The following WDR41 variants were observed in gnomAD, a reference collection of about 807,000 sequenced individuals.
WDR41 encodes WD repeat-containing protein 41.
WDR41 carries 63 observed loss-of-function variants against 69.3 expected under a neutral mutation model. The observed-to-expected ratio is 0.91, with a 90% CI of 0.74 to 1.12. The LOEUF (loss-of-function observed/expected upper bound fraction) is 1.12, where lower values mean the gene tolerates loss of function less well. Among genes scored for constraint, WDR41 ranks in the 50% most tolerant of loss-of-function variants. The pLI is 0.00. For missense variants in WDR41, 543 were observed against 534.5 expected (o/e 1.02, Z -0.16); for synonymous variants, 185 against 192.1 (o/e 0.96, Z 0.31).
chr5:77,606,563 G>T (rs1472339312), intron 1 of WDR41, among the ~76,000 whole-genome samples: 1 of 152,104 alleles, frequency 6.6e-6, no homozygotes, highest in Non-Finnish European at 1.5e-5. Flanking sequence ...AGCACTTTGA[G>T]AGGCCAAGGA....
At chr5:77,537,508 T>A (rs1421805813) in intron 1 of WDR41, among the ~76,000 whole-genome samples, 2 of 152,354 alleles carry the variant, frequency 1.3e-5, no homozygotes, top group East Asian at 3.9e-4. Flanking sequence ...TTGAATAATT[T>A]TGACGGACTC....
At chr5:77,569,523 T>C (rs1743694106) in intron 1 of WDR41, among the ~76,000 whole-genome samples, 1 of 152,148 alleles carries the variant, frequency 6.6e-6, no homozygotes, top group Non-Finnish European at 1.5e-5. Context: ...ATGACATGCT[T>C]CACTGACCTG....
rs111485869 is a variant in WDR41, at chr5:77,512,355, AGTGTGTGTGTGTGTGTGT to A, written c.43-22801_43-22784del. On this transcript the variant is annotated intron_variant, in intron 1 of 5. Transcript: ENST00000509971. ...GTGAGAGAGAGAGAGAGAGAGAGTG[AGTGTGTGTGTGTGTGTGT>A]GTGTGTGTGTGTGTGTGTGTGTGTG... Among the ~76,000 whole-genome samples, 20 of 119,320 alleles carry A rather than the reference AGTGTGTGTGTGTGTGTGT, an allele frequency of 1.7e-4. 1 individual carries two copies. The highest frequency in any genetic ancestry group is 3.4e-4 in the Admixed American group (4 of 11,714). The allele number at this position is 119,320 out of a possible 152,430, so 78.3% of individuals were successfully genotyped here.
intron 1 of WDR41, among the ~76,000 whole-genome samples, chr5:77,528,411 G>A (rs1296968709): frequency 1.3e-5 from 2 of 151,688 alleles, no homozygotes; most frequent in African/African-American, 4.8e-5. Flanking sequence ...CACCAAGGAA[G>A]CTTCAGGCCA....
At chr5:77,518,190 T>G (rs1358537034) in intron 1 of WDR41, among the ~76,000 whole-genome samples, 4 of 152,096 alleles carry the variant, frequency 2.6e-5, no homozygotes. Flanking sequence ...ATTTTTTTTG[T>G]TGTTGTTTAA....
At chr5:77,447,061 G>C (rs938574944) in intron 8 of WDR41, among the ~76,000 whole-genome samples, 3 of 151,928 alleles carry the variant, frequency 2.0e-5, no homozygotes, top group Non-Finnish European at 2.9e-5. Flanking sequence ...AATTTACAAG[G>C]AACTTAAATT....
intron 1 of WDR41, among the ~76,000 whole-genome samples, chr5:77,548,672 T>C (rs1580004105): frequency 6.6e-6 from 1 of 152,250 alleles, no homozygotes; most frequent in African/African-American, 2.4e-5. Context: ...ATTTCTATGC[T>C]GCTGGTGGGA....
At chr5:77,489,305 G>T in intron 2 of WDR41, 152 bp downstream of exon 2, 1 of 444,604 alleles carries the variant, frequency 2.2e-6, no homozygotes, top group South Asian at 5.6e-5. Flanking sequence ...TCATCGAGAT[G>T]CAGAGGCCAA....
At chr5:77,478,896 G>A (rs1801092814) in intron 2 of WDR41, among the ~76,000 whole-genome samples, 1 of 151,944 alleles carries the variant, frequency 6.6e-6, no homozygotes, top group South Asian at 2.1e-4. Context: ...GTCCCTGTTT[G>A]TAGATGACAT....
chr5:77,437,395 C>T lies in WDR41; in HGVS notation c.1034G>A (p.Ser345Asn). The T allele has an allele frequency of 1.2e-6, 2 of 1,613,940 alleles. No homozygotes were observed. The highest frequency in any genetic ancestry group is 1.7e-5 in the Admixed American group (1 of 60,020). ...TTCTCTTAACTCCCAAATGCGTACA[C>T]TGCCATCTTCTGAGCATGAGATTAA... ...RQLISCSEDG[S>N]VRIWELREKQ... Residue 345 changes from serine to asparagine, a missense_variant, in exon 11 of 13, where the codon AGT becomes AAT. Ser to Asn is a conservative substitution (Grantham distance 46). Transcript: ENST00000296679.
At chr5:77,609,499 G>A (rs532018609) in intron 1 of WDR41, among the ~76,000 whole-genome samples, 8 of 152,286 alleles carry the variant, frequency 5.3e-5, no homozygotes, top group South Asian at 4.1e-4. Flanking sequence ...CACAGTTCAC[G>A]AAAATCCGCT....
chr5:77,607,705 G>A (rs1010635927), intron 1 of WDR41, among the ~76,000 whole-genome samples: 1 of 152,132 alleles, frequency 6.6e-6, no homozygotes, highest in Non-Finnish European at 1.5e-5. Context: ...TTTAAATGAT[G>A]TAAATTTCTT....
At chr5:77,471,122 T>C (rs1300048535) in intron 2 of WDR41, among the ~76,000 whole-genome samples, 2 of 152,136 alleles carry the variant, frequency 1.3e-5, no homozygotes, top group East Asian at 3.9e-4. Context: ...ATTAAGAAAC[T>C]CACTCAAAAC....
intron 10 of WDR41, among the ~76,000 whole-genome samples, 153 bp from the exon 11 acceptor site, chr5:77,437,577 C>T (rs763316452): frequency 5.9e-5 from 9 of 152,140 alleles, no homozygotes; most frequent in South Asian, 2.1e-4. Context: ...GACGTTACAA[C>T]GCAAACTAAA....
intron 1 of WDR41, among the ~76,000 whole-genome samples, chr5:77,604,414 G>C (rs1159082549): frequency 6.6e-6 from 1 of 152,152 alleles, no homozygotes. Flanking sequence ...AACTTCTCTA[G>C]TAATAAACTA....
intron 2 of WDR41, among the ~76,000 whole-genome samples, chr5:77,484,696 G>GC (rs1801431942): frequency 6.6e-6 from 1 of 152,098 alleles, no homozygotes; most frequent in Non-Finnish European, 1.5e-5. Context: ...CAAAGACATA[G>GC]CCAATGAGTA....
At chr5:77,578,243 A>T (rs968088298) in intron 1 of WDR41, among the ~76,000 whole-genome samples, 5 of 152,198 alleles carry the variant, frequency 3.3e-5, no homozygotes, top group African/African-American at 1.2e-4. Flanking sequence ...CAATAGAGAC[A>T]TTAGCCATAA....
intron 1 of WDR41, among the ~76,000 whole-genome samples, chr5:77,530,014 TAC>T (rs2112205434): frequency 7.3e-6 from 1 of 136,898 alleles, no homozygotes; most frequent in South Asian, 2.6e-4. Flanking sequence ...TCTCTCAAGA[TAC>T]AGAAAGGAAT....
intron 1 of WDR41, among the ~76,000 whole-genome samples, chr5:77,509,215 C>T (rs1802159702): frequency 6.6e-6 from 1 of 152,134 alleles, no homozygotes; most frequent in Non-Finnish European, 1.5e-5. Context: ...CTCATCAAGA[C>T]TTCTGACTTG....
Sources: allele counts gnomAD v4.1 joint callset (sites outside exome capture counted in the v4.1 genomes callset), GRCh38; gene constraint gnomAD v4.1.1; transcripts MANE v1.5; gene names NCBI Gene and HGNC (gene_info 2026-07-23, HGNC 2026-07-21).